Variants in FRAT2 observed in about 807,000 individuals in gnomAD.
FRAT2 encodes the protein FRAT regulator of Wnt signaling pathway 2.
For missense variants in FRAT2, 326 were observed against 340.8 expected, an observed-to-expected ratio of 0.96 and a Z score of 0.34; for synonymous variants, 205 against 171.5, an observed-to-expected ratio of 1.20 and a Z score of -1.53.
chr10:97,333,402 A>G lies in FRAT2; in HGVS notation c.*469T>C, dbSNP rs1843543396. 1 of 154,964 alleles carries G rather than the reference A, an allele frequency of 6.5e-6. No homozygotes were observed. Among genetic ancestry groups the G allele is most frequent in the Non-Finnish European group, 1.4e-5 (1 of 69,950 alleles). 9.6% of individuals were successfully genotyped at this position (154,964 alleles called of 1,614,324 possible). A position where few individuals can be genotyped will look rare whatever the true frequency, so the allele number is the denominator to read the frequency against. ...CTTCTCCCCTCTGGAATTTCTTTGC[A>G]CAGCAATTGTAGCACCACTTACTAA... On this transcript the variant is annotated 3_prime_UTR_variant, in exon 1 of 1. Transcript: ENST00000371019.
In FRAT2 at chr10:97,334,422, G is replaced by T; in HGVS notation, c.151C>A (p.Leu51Met). The change falls in exon 1 of 1, where the codon CTG becomes ATG. Residue 51 changes from leucine (L) to methionine (M), a missense_variant. Physicochemically the swap from Leu to Met is conservative, Grantham distance 15. Coordinates refer to ENST00000371019, the MANE Select transcript of FRAT2 (RefSeq NM_012083.3). ...CTGTCCTGCGCCGCGTCCAGCTGCAGCGTCTCGCCGATCTGGGCCACCAGC... is the reference window on the plus strand; with the variant it reads ...CTGTCCTGCGCCGCGTCCAGCTGCATCGTCTCGCCGATCTGGGCCACCAGC... ...DRLVAQIGET[L>M]QLDAAQDSPA... 1 of 1,461,838 alleles carries T rather than the reference G, an allele frequency of 6.8e-7. No individual in the cohort carries two copies. The highest frequency in any genetic ancestry group is 9.0e-7 in the Non-Finnish European group (1 of 1,108,874). 90.6% of individuals were successfully genotyped at this position (1,461,838 alleles called of 1,614,324 possible).
rs1843560683 is a variant in FRAT2, at chr10:97,334,618, C to T, written c.-46G>A. 3 of 1,318,758 alleles carry T rather than the reference C, an allele frequency of 2.3e-6. No individual in the cohort carries two copies. The highest frequency in any genetic ancestry group is 1.9e-6 in the Non-Finnish European group (2 of 1,030,120). 81.7% of individuals were successfully genotyped at this position (1,318,758 alleles called of 1,614,324 possible). On this transcript the variant is annotated 5_prime_UTR_variant, in exon 1 of 1. Transcript: ENST00000371019. ...GGAGCTGTGCGGGCTTCGCTGGGGG[C>T]TTGGTTGCCCGCGGGCGCGGAGCTG...
rs951898702 is a variant in FRAT2 at position 97,332,913 on chromosome 10, A to C, written c.*958T>G. The stretch of plus-strand genomic sequence containing the variant: ...AGACACCAGAAAGGGTGGAATAAGA[A>C]AGCTCAGCTGGGAGGACAAGAAAGA... On this transcript the variant is annotated 3_prime_UTR_variant, in exon 1 of 1. Transcript: ENST00000371019. 6.6e-6 allele frequency: 1 copy of C among 152,264 alleles called. No homozygotes were observed. The highest frequency in any genetic ancestry group is 2.4e-5 in the African/African-American group (1 of 41,458). 9.4% of individuals were successfully genotyped at this position (152,264 alleles called of 1,614,324 possible).
Position 97,334,697 on chromosome 10 carries a change from G to C in FRAT2, c.-125C>G, listed in dbSNP as rs558711507. 479 of 1,146,596 alleles carry C rather than the reference G, an allele frequency of 4.2e-4. 5 individuals carry two copies. The East Asian group carries it at 0.013, about 32-fold the overall frequency. 71.0% of individuals were successfully genotyped at this position (1,146,596 alleles called of 1,614,324 possible). A position where few individuals can be genotyped will look rare whatever the true frequency, so the allele number is the denominator to read the frequency against. On this transcript the variant is annotated 5_prime_UTR_variant, in exon 1 of 1. Coordinates refer to ENST00000371019, the MANE Select transcript of FRAT2 (RefSeq NM_012083.3). ...GGAAGCCGGAGCCCGCCAGGCACTC[G>C]AGCCACGCGCCTGCAGCCGCTGGAG...
Position 97,333,781 on chromosome 10 carries a change from G to A in FRAT2, c.*90C>T. The A allele has an allele frequency of 7.5e-7, 1 of 1,335,632 alleles. No homozygotes were observed. The highest frequency in any genetic ancestry group is 1.8e-5 in the South Asian group (1 of 56,668). 82.7% of individuals were successfully genotyped at this position (1,335,632 alleles called of 1,614,324 possible). A position where few individuals can be genotyped will look rare whatever the true frequency, so the allele number is the denominator to read the frequency against. On this transcript the variant is annotated 3_prime_UTR_variant, in exon 1 of 1. Transcript: ENST00000371019. ...CAGCCAAAGTGGTCGCTCCCAGGCT[G>A]GCGACGTCGGCTTCAGCTCAGAGTT...
In FRAT2 at chr10:97,334,664, G is replaced by A. The variant is rs1843561413; in HGVS notation, c.-92C>T. The stretch of plus-strand genomic sequence containing the variant: ...AGCTGCGGGCGAAGCCGGAGCAGGG[G>A]CGGACGCGGAAGCCGGAGCCCGCCA... On this transcript the variant is annotated 5_prime_UTR_variant, in exon 1 of 1. Coordinates refer to ENST00000371019, the MANE Select transcript of FRAT2 (RefSeq NM_012083.3). The A allele has an allele frequency of 3.1e-6, 4 of 1,278,584 alleles. No individual in the cohort carries two copies. The highest frequency in any genetic ancestry group is 2.3e-5 in the South Asian group (1 of 44,032). The allele number at this position is 1,278,584 out of a possible 1,614,324, so 79.2% of individuals were successfully genotyped here. A position where few individuals can be genotyped will look rare whatever the true frequency, so the allele number is the denominator to read the frequency against.
rs1366619594 is a variant in FRAT2 at position 97,333,963 on chromosome 10, C to A, written c.610G>T (p.Ala204Ser). Reference protein sequence around the residue: ...RRLQRAVAAVAATGPASAPGP... With the variant: ...RRLQRAVAAVSATGPASAPGP... ...GGGGCGCTTGCGGGGCCCGTGGCTG[C>A]AACCGCGGCGACGGCTCGTTGGAGT... The change falls in exon 1 of 1, where the codon GCA becomes TCA. Residue 204 changes from alanine (A) to serine (S), a missense_variant. By Grantham distance (99) the Ala-to-Ser change is moderately conservative. Coordinates refer to ENST00000371019, the MANE Select transcript of FRAT2 (RefSeq NM_012083.3). The A allele has an allele frequency of 1.3e-6, 2 of 1,579,520 alleles. No individual in the cohort carries two copies. Among genetic ancestry groups the A allele is most frequent in the South Asian group, 2.3e-5 (2 of 88,040 alleles).
At position 97,333,944 on chromosome 10, in the gene FRAT2, C is replaced by T. The variant is rs368525498; in HGVS notation, c.629G>A (p.Ser210Asn). ...VAAVAATGPASAPGPGGGRSG... is the reference protein window; with the variant it reads ...VAAVAATGPANAPGPGGGRSG... ...GCGGCCTCCCCCGGGCCCAGGGGCG[C>T]TTGCGGGGCCCGTGGCTGCAACCGC... The change falls in exon 1 of 1, where the codon AGC becomes AAC. Residue 210 changes from serine to asparagine, a missense_variant. Ser to Asn is a conservative substitution (Grantham distance 46, BLOSUM62 1). Coordinates refer to ENST00000371019, the MANE Select transcript of FRAT2 (RefSeq NM_012083.3). The T allele has an allele frequency of 8.2e-6, 13 of 1,575,866 alleles. No individual in the cohort carries two copies. In the East Asian group the frequency reaches 1.1e-4, roughly 14 times the overall value.
At position 97,332,856 on chromosome 10, in the gene FRAT2, A is replaced by G. The variant is rs1843538850; in HGVS notation, c.*1015T>C. ...TCCATGGAGGGCCAGAAGAGAGCAG[A>G]AAAACGTCCAGGGTCTCTCATGCAT... On this transcript the variant is annotated 3_prime_UTR_variant, in exon 1 of 1. Coordinates refer to ENST00000371019, the MANE Select transcript of FRAT2 (RefSeq NM_012083.3). 6.6e-6 allele frequency: 1 copy of G among 152,244 alleles called. No homozygotes were observed. Among genetic ancestry groups the G allele is most frequent in the South Asian group, 2.1e-4 (1 of 4,838 alleles). The allele number at this position is 152,244 out of a possible 1,614,324, so 9.4% of individuals were successfully genotyped here.
chr10:97,334,221 G>C lies in FRAT2; in HGVS notation c.352C>G (p.Arg118Gly), dbSNP rs1242245026. The C allele has an allele frequency of 1.6e-6, 2 of 1,242,902 alleles. No homozygotes were observed. The highest frequency in any genetic ancestry group is 2.0e-6 in the Non-Finnish European group (2 of 996,202). The allele number at this position is 1,242,902 out of a possible 1,614,324, so 77.0% of individuals were successfully genotyped here. A position where few individuals can be genotyped will look rare whatever the true frequency, so the allele number is the denominator to read the frequency against. ...SGALRCALGD[R>G]GRVRGRAAPY... ...GCAGCGCGTCCGCGCACGCGGCCGC[G>C]GTCCCCTAGGGCGCAGCGCAGGGCC... is the stretch of plus-strand genomic sequence containing the variant. The change falls in exon 1 of 1, where the codon CGC becomes GGC. Residue 118 changes from arginine (R) to glycine (G), a missense_variant. Transcript: ENST00000371019.
Position 97,333,825 on chromosome 10 carries a change from T to G in FRAT2, c.*46A>C. The G allele has an allele frequency of 2.8e-6, 4 of 1,428,248 alleles. No homozygotes were observed. Among genetic ancestry groups the G allele is most frequent in the South Asian group, 2.9e-5 (2 of 69,212 alleles). The allele number at this position is 1,428,248 out of a possible 1,614,324, so 88.5% of individuals were successfully genotyped here. A position where few individuals can be genotyped will look rare whatever the true frequency, so the allele number is the denominator to read the frequency against. ...CAGAGTTAGTAGGAACTGGACGCTG[T>G]TGGGTCTACGCAGCGGCCTCCACTT... is the stretch of plus-strand genomic sequence containing the variant. On this transcript the variant is annotated 3_prime_UTR_variant, in exon 1 of 1. Transcript: ENST00000371019.
Position 97,334,108 on chromosome 10 carries a change from G to T in FRAT2, c.465C>A (p.Ser155=). ...TCCATCGGCGCTGCTGCAAGCGGCG[G>T]GAGGTGACCGCGTCCCTGAGCCATC... is the stretch of plus-strand genomic sequence containing the variant. ...RRGWLRDAVT[S]RRLQQRRWTQ... The change falls in exon 1 of 1, where the codon TCC becomes TCA. Residue 155 remains serine, a synonymous_variant. Coordinates refer to ENST00000371019, the MANE Select transcript of FRAT2 (RefSeq NM_012083.3). 6.3e-7 allele frequency: 1 copy of T among 1,578,680 alleles called. No homozygotes were observed. The highest frequency in any genetic ancestry group is 1.1e-5 in the South Asian group (1 of 88,512).
chr10:97,333,041 G>C lies in FRAT2; in HGVS notation c.*830C>G, dbSNP rs938189735. On this transcript the variant is annotated 3_prime_UTR_variant, in exon 1 of 1. Coordinates refer to ENST00000371019, the MANE Select transcript of FRAT2 (RefSeq NM_012083.3). ...AAAGGAAAGCACAGAAAACAGGAAA[G>C]AACTCTCCCTACACGTCCCTCTCTG... The C allele has an allele frequency of 1.3e-5, 2 of 152,026 alleles. No homozygotes were observed. The allele number at this position is 152,026 out of a possible 1,614,324, so 9.4% of individuals were successfully genotyped here. A position where few individuals can be genotyped will look rare whatever the true frequency, so the allele number is the denominator to read the frequency against.
At position 97,333,825 on chromosome 10, in the gene FRAT2, T is replaced by C; in HGVS notation, c.*46A>G. ...CAGAGTTAGTAGGAACTGGACGCTG[T>C]TGGGTCTACGCAGCGGCCTCCACTT... is the stretch of plus-strand genomic sequence containing the variant. On this transcript the variant is annotated 3_prime_UTR_variant, in exon 1 of 1. Coordinates refer to ENST00000371019, the MANE Select transcript of FRAT2 (RefSeq NM_012083.3). 1.4e-6 allele frequency: 2 copies of C among 1,428,248 alleles called. No individual in the cohort carries two copies. The highest frequency in any genetic ancestry group is 1.8e-6 in the Non-Finnish European group (2 of 1,092,708). The allele number at this position is 1,428,248 out of a possible 1,614,324, so 88.5% of individuals were successfully genotyped here. A position where few individuals can be genotyped will look rare whatever the true frequency, so the allele number is the denominator to read the frequency against.
Position 97,333,691 on chromosome 10 carries a change from T to C in FRAT2, c.*180A>G. ...CATACATTTCTCCACGCTTAAGTTT[T>C]CTCCGACGGCCTCGCCGCGGCTGGT... is the stretch of plus-strand genomic sequence containing the variant. On this transcript the variant is annotated 3_prime_UTR_variant, in exon 1 of 1. Coordinates refer to ENST00000371019, the MANE Select transcript of FRAT2 (RefSeq NM_012083.3). The C allele has an allele frequency of 1.7e-6, 1 of 600,708 alleles. No homozygotes were observed. Among genetic ancestry groups the C allele is most frequent in the Non-Finnish European group, 2.6e-6 (1 of 381,294 alleles). The allele number at this position is 600,708 out of a possible 1,614,324, so 37.2% of individuals were successfully genotyped here.
chr10:97,333,769 C>G lies in FRAT2; in HGVS notation c.*102G>C. On this transcript the variant is annotated 3_prime_UTR_variant, in exon 1 of 1. Coordinates refer to ENST00000371019, the MANE Select transcript of FRAT2 (RefSeq NM_012083.3). ...CGCGCCTCCCCGCAGCCAAAGTGGT[C>G]GCTCCCAGGCTGGCGACGTCGGCTT... 7.8e-7 allele frequency: 1 copy of G among 1,278,894 alleles called. No homozygotes were observed. The highest frequency in any genetic ancestry group is 1.0e-6 in the Non-Finnish European group (1 of 991,040). 79.2% of individuals were successfully genotyped at this position (1,278,894 alleles called of 1,614,324 possible).
chr10:97,334,667 G>A lies in FRAT2; in HGVS notation c.-95C>T, dbSNP rs2134973925. On this transcript the variant is annotated 5_prime_UTR_variant, in exon 1 of 1. Transcript: ENST00000371019. ...TGCGGGCGAAGCCGGAGCAGGGGCG[G>A]ACGCGGAAGCCGGAGCCCGCCAGGC... 1.6e-6 allele frequency: 2 copies of A among 1,275,278 alleles called. No homozygotes were observed. The highest frequency in any genetic ancestry group is 2.8e-4 in the Middle Eastern group (1 of 3,512). 79.0% of individuals were successfully genotyped at this position (1,275,278 alleles called of 1,614,324 possible). A position where few individuals can be genotyped will look rare whatever the true frequency, so the allele number is the denominator to read the frequency against.
At position 97,334,718 on chromosome 10, in the gene FRAT2, T is replaced by A; in HGVS notation, c.-146A>T. On this transcript the variant is annotated 5_prime_UTR_variant, in exon 1 of 1. Coordinates refer to ENST00000371019, the MANE Select transcript of FRAT2 (RefSeq NM_012083.3). ...ACTCGAGCCACGCGCCTGCAGCCGC[T>A]GGAGCCGGAATCCTGCCGGCTCGGG... 2.1e-6 allele frequency: 2 copies of A among 971,614 alleles called. No homozygotes were observed. Among genetic ancestry groups the A allele is most frequent in the Admixed American group, 4.3e-5 (1 of 23,240 alleles). 60.2% of individuals were successfully genotyped at this position (971,614 alleles called of 1,614,324 possible).
chr10:97,332,524 CAG>C lies in FRAT2; in HGVS notation c.*1345_*1346del, dbSNP rs1419212761. 2 of 151,932 alleles carry C rather than the reference CAG, an allele frequency of 1.3e-5. No individual in the cohort carries two copies. Among genetic ancestry groups the C allele is most frequent in the Non-Finnish European group, 2.9e-5 (2 of 68,036 alleles). 9.4% of individuals were successfully genotyped at this position (151,932 alleles called of 1,614,324 possible). A position where few individuals can be genotyped will look rare whatever the true frequency, so the allele number is the denominator to read the frequency against. ...CAAAACAAAAGCCAAATTTATTCAG[CAG>C]ACATTTTAATTATGAAATCCTATAA... On this transcript the variant is annotated 3_prime_UTR_variant, in exon 1 of 1. Transcript: ENST00000371019.
Sources: allele counts gnomAD v4.1 joint callset, GRCh38; gene constraint gnomAD v4.1.1; transcripts MANE v1.5; gene names NCBI Gene and HGNC (gene_info 2026-07-23, HGNC 2026-07-21).